Variants in NRDE2 observed in about 807,000 individuals in gnomAD.
NRDE2 encodes the protein NRDE-2, necessary for RNA interference, domain containing.
NRDE2 carries 76 observed loss-of-function variants against 124.2 expected under a neutral mutation model. The ratio of observed to expected loss-of-function variants is 0.61; its 90% CI spans 0.51 to 0.74. The LOEUF is 0.74. Among genes scored for constraint, NRDE2 ranks in the 30% least tolerant of loss-of-function variants. The pLI is 0.00. For synonymous variants in NRDE2, 489 were observed against 528.1 expected (o/e 0.93, Z 1.01); for missense variants, 1,314 against 1,417.3 (o/e 0.93, Z 1.17).
At chr14:90,297,450 C>G (rs569567916) in intron 8 of NRDE2, among the ~76,000 whole-genome samples, 1 of 152,098 alleles carries the variant, frequency 6.6e-6, no homozygotes, top group East Asian at 1.9e-4. Context: ...AAGAGGCTCA[C>G]ATTATATTTC....
At chr14:90,287,503 C>G (rs1892140509) in intron 11 of NRDE2, among the ~76,000 whole-genome samples, 2 of 152,056 alleles carry the variant, frequency 1.3e-5, no homozygotes, top group South Asian at 4.1e-4. Flanking sequence ...TGCCTGTAGT[C>G]CCAGCTACCG....
intron 12 of NRDE2, among the ~76,000 whole-genome samples, chr14:90,285,014 C>T (rs1892061438): frequency 1.3e-5 from 2 of 152,034 alleles, no homozygotes; most frequent in African/African-American, 2.4e-5. Flanking sequence ...CGCAGTGGCT[C>T]ACACCTGTAA....
Position 90,304,358 on chromosome 14 carries a change from G to T in NRDE2, c.582C>A (p.Cys194Ter). ...ACTGCTTCTTAGGGTTAATGCCAAG[G>T]CAGGAGTCTCCTTTCCTCTTGTATC... ...IARYKRKGDS[C>*]LGINPKKQCI... The change falls in exon 5 of 14, where the codon TGC (cysteine) becomes TGA (stop). Residue 194 changes from cysteine (C) to a stop codon, truncating the protein, a stop_gained. Coordinates refer to ENST00000354366, the MANE Select transcript of NRDE2 (RefSeq NM_017970.4). LOFTEE classifies it high-confidence loss of function. 6.2e-7 allele frequency: 1 copy of T among 1,609,530 alleles called. No individual in the cohort carries two copies. The highest frequency in any genetic ancestry group is 8.5e-7 in the Non-Finnish European group (1 of 1,177,830).
chr14:90,278,916 G>T, intron 13 of NRDE2, 146 bp downstream of exon 13: 1 of 686,894 alleles, frequency 1.5e-6, no homozygotes, highest in Non-Finnish European at 2.7e-6. Context: ...CCAGGAAAAG[G>T]CTCTGGATGT....
chr14:90,301,868 G>A (rs1884414279), intron 6 of NRDE2: 1 of 455,412 alleles, frequency 2.2e-6, no homozygotes, highest in South Asian at 1.6e-5. Context: ...TACAATTCCA[G>A]CTACTAAATA....
At chr14:90,305,295 G>A (rs1314726375) in intron 4 of NRDE2, among the ~76,000 whole-genome samples, 1 of 152,254 alleles carries the variant, frequency 6.6e-6, no homozygotes, top group Non-Finnish European at 1.5e-5. Flanking sequence ...AACCTGTGGA[G>A]TAACCAGGAC....
In NRDE2 at chr14:90,275,176, A is replaced by G. The variant is rs1156924290; in HGVS notation, c.*3160T>C. On this transcript the variant is annotated 3_prime_UTR_variant, in exon 14 of 14. Coordinates refer to ENST00000354366, the MANE Select transcript of NRDE2 (RefSeq NM_017970.4). ...CGTCTTGGAAGTCAAAAAGCTTCCA[A>G]TCAGAAGGAGACCAAAGAGATGACA... is the stretch of plus-strand genomic sequence containing the variant. 3 of 152,194 alleles carry G rather than the reference A, an allele frequency of 2.0e-5. No individual in the cohort carries two copies. Among genetic ancestry groups the G allele is most frequent in the Admixed American group, 2.0e-4 (3 of 15,272 alleles). The allele number at this position is 152,194 out of a possible 1,614,324, so 9.4% of individuals were successfully genotyped here. A position where few individuals can be genotyped will look rare whatever the true frequency, so the allele number is the denominator to read the frequency against.
Position 90,311,569 on chromosome 14 carries a change from C to T in NRDE2, c.557+825G>A, listed in dbSNP as rs909545850. Among the ~76,000 whole-genome samples the T allele has an allele frequency of 4.6e-5, 7 of 152,230 alleles. No individual in the cohort carries two copies. In the East Asian group the frequency reaches 1.2e-3, roughly 25 times the overall value. On this transcript the variant is annotated intron_variant, in intron 4 of 13. Coordinates refer to ENST00000354366, the MANE Select transcript of NRDE2 (RefSeq NM_017970.4). ...CCTTCTCCACCTTCCACCATGATTGCGAGGTCTCCTCAACCACGTGGAACT... is the reference window on the plus strand; with the variant it reads ...CCTTCTCCACCTTCCACCATGATTGTGAGGTCTCCTCAACCACGTGGAACT...
intron 4 of NRDE2, among the ~76,000 whole-genome samples, chr14:90,310,531 T>C (rs916192105): frequency 6.6e-6 from 1 of 151,742 alleles, no homozygotes; most frequent in African/African-American, 2.4e-5. Context: ...CTTTTTTTTT[T>C]TTTTTTTGAG....
At chr14:90,321,746 T>C (rs191071784) in intron 1 of NRDE2, among the ~76,000 whole-genome samples, 30 of 152,282 alleles carry the variant, frequency 2.0e-4, no homozygotes, top group East Asian at 1.2e-3. Flanking sequence ...CAGGGAATAC[T>C]AGAAGTAATA....
In NRDE2 at chr14:90,270,221, T is replaced by A. The variant is rs764620445; in HGVS notation, c.*8115A>T. On this transcript the variant is annotated 3_prime_UTR_variant, in exon 14 of 14. Transcript: ENST00000354366. ...AGGCCGCATTGACAGGAAGATTGAG[T>A]TCCCCCTGCCTGATGAAAAGACGAA... The A allele has an allele frequency of 1.2e-6, 2 of 1,613,496 alleles. No individual in the cohort carries two copies. The highest frequency in any genetic ancestry group is 1.7e-6 in the Non-Finnish European group (2 of 1,179,760).
intron 1 of NRDE2, among the ~76,000 whole-genome samples, chr14:90,324,627 G>A (rs1885354475): frequency 1.4e-5 from 2 of 147,178 alleles, no homozygotes; most frequent in African/African-American, 5.0e-5. Context: ...AGTGAGTGGA[G>A]ACGCCACTGC....
rs963578834 is a variant in NRDE2 at position 90,286,394 on chromosome 14, C to A, written c.3257G>T (p.Ser1086Ile). The change falls in exon 12 of 14, where the codon AGC (serine) becomes ATC (isoleucine). Residue 1086 changes from serine (S) to isoleucine (I), a missense_variant. Physicochemically the swap from Ser to Ile is moderately radical, Grantham distance 142. Coordinates refer to ENST00000354366, the MANE Select transcript of NRDE2 (RefSeq NM_017970.4). ...FENAMRSDSG[S>I]QCPLLWRMYL... is the part of the protein sequence containing the mutation. ...CATCCTCCACAGCAAGGGGCACTGG[C>A]TGCCACTGTCGCTGCGCATGGCATT... 1.9e-6 allele frequency: 3 copies of A among 1,614,048 alleles called. No homozygotes were observed. The African/African-American group carries it at 4.0e-5, about 22-fold the overall frequency.
At position 90,303,060 on chromosome 14, in the gene NRDE2, C is replaced by T. The variant is rs781403413; in HGVS notation, c.1071G>A (p.Arg357=). The T allele has an allele frequency of 8.7e-6, 14 of 1,613,984 alleles. No homozygotes were observed. The highest frequency in any genetic ancestry group is 1.2e-5 in the Non-Finnish European group (14 of 1,180,038). Residue 357 remains arginine, a synonymous_variant, in exon 6 of 14, where the codon AGG becomes AGA. Transcript: ENST00000354366. ...TCTTCTCCAGAATGAGCTTCAGGGA[C>T]CTCTTTCGCTTTTCCTGCTCTCCTT... ...IEEGEQEKRK[R]SLKLILEKKL...
chr14:90,293,956 T>A (rs1892341804), intron 8 of NRDE2, among the ~76,000 whole-genome samples: 1 of 152,176 alleles, frequency 6.6e-6, no homozygotes, highest in South Asian at 2.1e-4. Context: ...TGATCCCAGA[T>A]AAATGAAAAC....
Position 90,278,255 on chromosome 14 carries a change from A to G in NRDE2, c.*81T>C. The G allele has an allele frequency of 1.3e-6, 2 of 1,553,342 alleles. No homozygotes were observed. The highest frequency in any genetic ancestry group is 2.3e-5 in the South Asian group (2 of 88,856). Reference sequence around the variant, plus strand: ...TTCAAAAGCCGAGTTCTCCTAACACACACGTTCTCTGCTCGCGCCTCCTAG... The same window carrying G: ...TTCAAAAGCCGAGTTCTCCTAACACGCACGTTCTCTGCTCGCGCCTCCTAG... On this transcript the variant is annotated 3_prime_UTR_variant, in exon 14 of 14. Transcript: ENST00000354366.
rs1891697361 is a variant in NRDE2 at position 90,272,547 on chromosome 14, T to C, written c.*5789A>G. 5 of 598,264 alleles carry C rather than the reference T, an allele frequency of 8.4e-6. No homozygotes were observed. The highest frequency in any genetic ancestry group is 5.9e-5 in the East Asian group (2 of 33,892). 37.1% of individuals were successfully genotyped at this position (598,264 alleles called of 1,614,324 possible). ...ACATCCTGTGTCTTTTGGAGTACGA[T>C]GTGTAAGTGCCCATTGGGTGGCCTG... On this transcript the variant is annotated 3_prime_UTR_variant, in exon 14 of 14. Coordinates refer to ENST00000354366, the MANE Select transcript of NRDE2 (RefSeq NM_017970.4). This position sits in a 1 kb window ranked among gnomAD's most constrained non-coding sequence, Gnocchi z 4.5.
intron 12 of NRDE2, among the ~76,000 whole-genome samples, chr14:90,283,275 T>G (rs1255005962): frequency 6.6e-6 from 1 of 152,206 alleles, no homozygotes; most frequent in Non-Finnish European, 1.5e-5. Context: ...AGAAATTCTC[T>G]AAGGGGCCAG....
chr14:90,301,419 A>C, intron 6 of NRDE2, 47 bp from the exon 7 acceptor site: 1 of 1,592,728 alleles, frequency 6.3e-7, no homozygotes, highest in Non-Finnish European at 8.6e-7. Flanking sequence ...GATACCGTTA[A>C]AGGGAAAGAA....
Sources: allele counts gnomAD v4.1 joint callset (sites outside exome capture counted in the v4.1 genomes callset), GRCh38; gene constraint gnomAD v4.1.1; non-coding constraint Gnocchi (gnomAD v3.1); transcripts MANE v1.5; gene names NCBI Gene and HGNC (gene_info 2026-07-23, HGNC 2026-07-21).